Variants in PIK3C2A observed in about 807,000 individuals in gnomAD.
PIK3C2A encodes phosphatidylinositol 4-phosphate 3-kinase C2 domain-containing subunit alpha.
In PIK3C2A, 97 loss-of-function variants were observed where a neutral mutation model predicts 204.5. The observed-to-expected ratio is 0.47, with a 90% CI of 0.40 to 0.56. The LOEUF (loss-of-function observed/expected upper bound fraction) is 0.56, where lower values mean the gene tolerates loss of function less well. Ranked by LOEUF, PIK3C2A falls within the 20% of genes least tolerant of loss-of-function variation. PIK3C2A has a pLI of 0.00. For synonymous variants in PIK3C2A, 653 were observed against 664.4 expected (o/e 0.98, Z 0.26); for missense variants, 1,735 against 1,969.2 (o/e 0.88, Z 2.25).
intron 23 of PIK3C2A, among the ~76,000 whole-genome samples, chr11:17,103,058 A>G (rs1019623657): frequency 6.6e-6 from 1 of 151,894 alleles, no homozygotes; most frequent in Admixed American, 6.6e-5. Flanking sequence ...TTCTCTTTTA[A>G]AAGTCTGGGA....
intron 19 of PIK3C2A, among the ~76,000 whole-genome samples, chr11:17,115,474 G>A (rs1372337817): frequency 6.7e-6 from 1 of 150,004 alleles, no homozygotes; most frequent in South Asian, 2.1e-4. Flanking sequence ...CCAGGAGGCT[G>A]AGGCTGTGGT....
At chr11:17,124,443 T>C (rs1849456001) in intron 13 of PIK3C2A, among the ~76,000 whole-genome samples, 1 of 151,782 alleles carries the variant, frequency 6.6e-6, no homozygotes, top group Non-Finnish European at 1.5e-5. Flanking sequence ...GGCCTAACAC[T>C]TGCATTTGGA....
Position 17,118,676 on chromosome 11 carries a change from C to T in PIK3C2A, c.3004G>A (p.Gly1002Arg), listed in dbSNP as rs748980943. The T allele has an allele frequency of 3.9e-6, 6 of 1,547,352 alleles. No homozygotes were observed. ...AAATTGTGTGCTATCTGGATATTTC[C>T]CAATGCCCTGGACAAAAGGAATTGC... ...LVQFLLSRALGNIQIAHNLYW... is the reference protein window; with the variant it reads ...LVQFLLSRALRNIQIAHNLYW... Residue 1002 changes from glycine (G) to arginine (R), a missense_variant, in exon 18 of 33, where the codon GGA becomes AGA. Coordinates refer to ENST00000691414, the MANE Select transcript of PIK3C2A (RefSeq NM_002645.4).
At position 17,101,288 on chromosome 11, in the gene PIK3C2A, A is replaced by T. The variant is rs752220757; in HGVS notation, c.3998T>A (p.Leu1333His). The part of the protein sequence containing the change: ...IRKQTNLFLN[L>H]LSLMIPSGLP... Reference sequence around the variant, plus strand: ...ATAAAGAATAGTTACCAGTGAAAGGAGGTTAAGAAAAAGGTTTGTCTGCTT... The same window carrying T: ...ATAAAGAATAGTTACCAGTGAAAGGTGGTTAAGAAAAAGGTTTGTCTGCTT... The change falls in exon 25 of 33, where the codon CTC (leucine) becomes CAC (histidine). Residue 1333 changes from leucine (L) to histidine (H), a missense_variant. Around this residue, in one of 6 missense-constraint regions of PIK3C2A, gnomAD observed 503 missense variants for 669.0 expected, o/e 0.75. Transcript: ENST00000691414. 6.5e-7 allele frequency: 1 copy of T among 1,539,686 alleles called. No individual in the cohort carries two copies. Among genetic ancestry groups the T allele is most frequent in the Admixed American group, 1.8e-5 (1 of 56,712 alleles).
intron 20 of PIK3C2A, 52 bp downstream of exon 20, chr11:17,114,309 C>A (rs962996101): frequency 2.0e-6 from 2 of 978,740 alleles, no homozygotes; most frequent in Admixed American, 3.5e-5. Context: ...CATTTGCCTT[C>A]TTCCTATTAT....
In PIK3C2A at chr11:17,149,110, T is replaced by A. The variant is rs1325507416; in HGVS notation, c.1328-323A>T. 5.9e-5 allele frequency among the ~76,000 whole-genome samples: 9 copies of A among 152,160 alleles called. 1 individual carries two copies. On this transcript the variant is annotated intron_variant, in intron 4 of 32. Transcript: ENST00000691414. ...GCATCTGTACTGAATATGTACACAC[T>A]TTTTTTCTTGTCATTATTCCTTAAA...
At chr11:17,090,001 GAAT>G in intron 32 of PIK3C2A, 81 bp from the exon 33 acceptor site, 1 of 1,053,502 alleles carries the variant, frequency 9.5e-7, no homozygotes, top group South Asian at 1.6e-5. Context: ...GAAAACGTGA[GAAT>G]ATTAGCCAAA....
chr11:17,110,663 G>GCT, intron 21 of PIK3C2A, 102 bp from the exon 22 acceptor site: 3 of 981,110 alleles, frequency 3.1e-6, no homozygotes, highest in Admixed American at 2.6e-5. Context: ...AGGCCAAAGT[G>GCT]GGCAGAACAC....
rs775077896 is a variant in PIK3C2A, at chr11:17,122,210, GAAT to G, written c.2632_2634del (p.Ile878del). ...TACCCAAGTGATGAGTCTTTATGAAGAATATCAAGAAGTTTCCCTTTTATATCA... is the reference window on the plus strand; with the variant it reads ...TACCCAAGTGATGAGTCTTTATGAAGATCAAGAAGTTTCCCTTTTATATCA... On this transcript the variant is annotated inframe_deletion, in exon 15 of 33. Transcript: ENST00000691414. 3 of 1,581,476 alleles carry G rather than the reference GAAT, an allele frequency of 1.9e-6. No individual in the cohort carries two copies. In the Admixed American group the frequency reaches 5.0e-5, roughly 26 times the overall value.
chr11:17,101,498 A>C, intron 24 of PIK3C2A, 64 bp from the exon 25 acceptor site: 2 of 880,572 alleles, frequency 2.3e-6, no homozygotes, highest in Non-Finnish European at 3.3e-6. Context: ...GTGCTATTAC[A>C]TGATTATTAA....
At chr11:17,116,246 A>G (rs1027798173) in intron 19 of PIK3C2A, among the ~76,000 whole-genome samples, 3 of 152,254 alleles carry the variant, frequency 2.0e-5, no homozygotes, top group African/African-American at 7.2e-5. Context: ...CTTTGAATAG[A>G]TATTTCTCCA....
intron 1 of PIK3C2A, among the ~76,000 whole-genome samples, chr11:17,186,780 A>G (rs952691189): frequency 2.0e-5 from 3 of 152,240 alleles, no homozygotes; most frequent in Non-Finnish European, 4.4e-5. Flanking sequence ...TTGGGGATAG[A>G]AATACTGGCC....
At chr11:17,093,080 CTG>C (rs1490868874) in intron 28 of PIK3C2A, among the ~76,000 whole-genome samples, 1 of 152,120 alleles carries the variant, frequency 6.6e-6, no homozygotes, top group Non-Finnish European at 1.5e-5. Context: ...AAAAATGAAA[CTG>C]TACACGGAAA....
chr11:17,142,787 C>T (rs774672435), intron 8 of PIK3C2A, among the ~76,000 whole-genome samples: 1 of 152,060 alleles, frequency 6.6e-6, no homozygotes, highest in Non-Finnish European at 1.5e-5. Context: ...TCATGGAAGT[C>T]CTTGATGACC....
chr11:17,190,574 CAAA>C (rs35193747), intron 1 of PIK3C2A, among the ~76,000 whole-genome samples: 2 of 114,024 alleles, frequency 1.8e-5, no homozygotes, highest in Non-Finnish European at 1.9e-5. Flanking sequence ...GACTCTGTCT[CAAA>C]AAAAAAAAAA....
chr11:17,185,697 T>G (rs897971531), intron 1 of PIK3C2A, among the ~76,000 whole-genome samples: 1 of 152,216 alleles, frequency 6.6e-6, no homozygotes, highest in Admixed American at 6.5e-5. Context: ...TAGTGGTCAC[T>G]ATATCAGATA....
intron 21 of PIK3C2A, among the ~76,000 whole-genome samples, chr11:17,112,180 G>A (rs567187670): frequency 1.2e-4 from 18 of 152,156 alleles, no homozygotes; most frequent in African/African-American, 4.1e-4. Context: ...GGCTGGGCGC[G>A]ATGGCTCACA....
At position 17,148,673 on chromosome 11, in the gene PIK3C2A, A is replaced by T. The variant is rs1850330125; in HGVS notation, c.1442T>A (p.Leu481Gln). The change falls in exon 5 of 33, where the codon CTG (leucine) becomes CAG (glutamine). Residue 481 changes from leucine to glutamine, a missense_variant. This residue lies in a region of PIK3C2A where 13 missense variants were observed against 41.1 expected (regional missense o/e 0.32). Transcript: ENST00000691414. ...AGTAGTTAAATAAACTTACTTCTGC[A>T]GCACTTCCTCTTGACCACAAACTTT... ...VLKVCGQEEV[L>Q]QNNHCLGSHE... The T allele has an allele frequency of 6.2e-7, 1 of 1,612,954 alleles. No homozygotes were observed. The highest frequency in any genetic ancestry group is 8.5e-7 in the Non-Finnish European group (1 of 1,179,534).
intron 13 of PIK3C2A, among the ~76,000 whole-genome samples, chr11:17,125,148 AGG>A (rs1224078162): frequency 1.3e-5 from 2 of 152,222 alleles, no homozygotes; most frequent in Non-Finnish European, 2.9e-5. Context: ...TAATGGTTTT[AGG>A]AAGGCATTTT....
Sources: gnomAD v4.1 joint callset for allele counts (sites outside exome capture counted in the v4.1 genomes callset) on GRCh38, gnomAD v4.1.1 for gene constraint, gnomAD v4.1.1 regional missense constraint, MANE v1.5 for transcripts, NCBI Gene and HGNC (gene_info 2026-07-23, HGNC 2026-07-21) for gene names.